Variants in MSH3 observed in about 807,000 individuals in gnomAD.
The protein encoded by MSH3 is mutS homolog 3.
In MSH3, 106 loss-of-function variants were observed where a neutral mutation model predicts 123.3. That is an observed-to-expected ratio of 0.86 (90% confidence interval 0.73 to 1.01). The LOEUF is 1.01. Ranked by LOEUF, MSH3 falls within the 50% of genes least tolerant of loss-of-function variation. The pLI is 0.00. For synonymous variants in MSH3, 515 were observed against 481.4 expected, an observed-to-expected ratio of 1.07 and a Z score of -0.91; for missense variants, 1,459 against 1,347.6, an observed-to-expected ratio of 1.08 and a Z score of -1.29.
intron 19 of MSH3, among the ~76,000 whole-genome samples, chr5:80,805,289 A>G (rs576965793): frequency 1.3e-5 from 2 of 152,334 alleles, no homozygotes; most frequent in African/African-American, 4.8e-5. Flanking sequence ...TGGGTTGGGA[A>G]ACAAACATAG....
intron 19 of MSH3, among the ~76,000 whole-genome samples, chr5:80,799,987 T>A (rs1744765187): frequency 6.6e-6 from 1 of 151,882 alleles, no homozygotes; most frequent in Non-Finnish European, 1.5e-5. Context: ...TTTTAGATCT[T>A]CTCTTCCCCC....
chr5:80,811,842 C>A (rs1745014572), intron 19 of MSH3, among the ~76,000 whole-genome samples: 2 of 151,744 alleles, frequency 1.3e-5, no homozygotes. Context: ...TTGATCATGC[C>A]AATATTTGAT....
At chr5:80,769,596 G>C (rs1015496196) in intron 15 of MSH3, among the ~76,000 whole-genome samples, 15 of 151,962 alleles carry the variant, frequency 9.9e-5, no homozygotes, top group African/African-American at 2.9e-4. Context: ...TTTTAAATAT[G>C]GTTGTGCTTT....
At chr5:80,757,457 C>T (rs1360178217) in intron 12 of MSH3, among the ~76,000 whole-genome samples, 2 of 152,136 alleles carry the variant, frequency 1.3e-5, no homozygotes, top group African/African-American at 4.8e-5. Flanking sequence ...GTGACAGCCA[C>T]ACATGGTAGA....
intron 8 of MSH3, among the ~76,000 whole-genome samples, chr5:80,698,141 A>T (rs1415001200): frequency 6.6e-6 from 1 of 152,112 alleles, no homozygotes; most frequent in Non-Finnish European, 1.5e-5. Context: ...GGCTCAAGCA[A>T]TCCACCCACC....
At position 80,729,103 on chromosome 5, in the gene MSH3, T is replaced by G. The variant is rs1743358285; in HGVS notation, c.1568+138T>G. 3 of 620,612 alleles carry G rather than the reference T, an allele frequency of 4.8e-6. No individual in the cohort carries two copies. In the African/African-American group the frequency reaches 5.5e-5, roughly 11 times the overall value. 38.4% of individuals were successfully genotyped at this position (620,612 alleles called of 1,614,324 possible). On this transcript the variant is annotated intron_variant, in intron 10 of 23. Coordinates refer to ENST00000265081, the MANE Select transcript of MSH3 (RefSeq NM_002439.5). ...TAGGGTGCAAGGATGAGCTGTTTGG[T>G]ATTGTTGCTGAAGAATATTAAAAAT...
chr5:80,858,585 T>G (rs963485306), intron 21 of MSH3, among the ~76,000 whole-genome samples: 6 of 152,244 alleles, frequency 3.9e-5, no homozygotes, highest in African/African-American at 1.4e-4. Context: ...TTGTATGATT[T>G]TTATTATATT....
At chr5:80,842,468 G>A (rs1056225740) in intron 20 of MSH3, among the ~76,000 whole-genome samples, 42 of 152,062 alleles carry the variant, frequency 2.8e-4, no homozygotes, top group Non-Finnish European at 5.9e-4. Flanking sequence ...TGATGTGGGA[G>A]ATAGCACTGA....
intron 3 of MSH3, among the ~76,000 whole-genome samples, chr5:80,668,145 G>C (rs1042344150): frequency 2.6e-4 from 39 of 152,266 alleles, no homozygotes; most frequent in Non-Finnish European, 1.9e-4. Context: ...GGAGTGGGTA[G>C]CTCCTCTCCG....
At chr5:80,700,963 T>G (rs1388583167) in intron 8 of MSH3, among the ~76,000 whole-genome samples, 1 of 152,196 alleles carries the variant, frequency 6.6e-6, no homozygotes, top group Non-Finnish European at 1.5e-5. Context: ...CTAATTCGAC[T>G]TGATTTTTGT....
At chr5:80,806,200 G>A (rs1340580404) in intron 19 of MSH3, among the ~76,000 whole-genome samples, 1 of 152,174 alleles carries the variant, frequency 6.6e-6, no homozygotes, top group Non-Finnish European at 1.5e-5. Context: ...CCAGGTTCAA[G>A]TGATTCTCCT....
chr5:80,870,204 A>T lies in MSH3; in HGVS notation c.3131-2912A>T, dbSNP rs377032302. Among the ~76,000 whole-genome samples the T allele has an allele frequency of 3.7e-3, 562 of 151,732 alleles. 1 individual carries two copies. Among genetic ancestry groups the T allele is most frequent in the Non-Finnish European group, 6.4e-3 (437 of 67,920 alleles). On this transcript the variant is annotated intron_variant, in intron 22 of 23. Coordinates refer to ENST00000265081, the MANE Select transcript of MSH3 (RefSeq NM_002439.5). ...AAAAAAAAAAAAAAAATTCATTAAC[A>T]AATTTTTGGATAGGGGGATTTTGTG...
chr5:80,868,717 G>T (rs1274412161), intron 22 of MSH3, among the ~76,000 whole-genome samples: 1 of 149,696 alleles, frequency 6.7e-6, no homozygotes, highest in Non-Finnish European at 1.5e-5. Context: ...AAACCTCCGT[G>T]ACACAAGTTT....
intron 2 of MSH3, among the ~76,000 whole-genome samples, chr5:80,663,954 T>C (rs1195042782): frequency 6.6e-6 from 1 of 152,200 alleles, no homozygotes; most frequent in Non-Finnish European, 1.5e-5. Context: ...TAAGAGGTGA[T>C]AAATGTGTGC....
chr5:80,658,660 C>G (rs532982223), intron 2 of MSH3, among the ~76,000 whole-genome samples: 1 of 152,230 alleles, frequency 6.6e-6, no homozygotes, highest in African/African-American at 2.4e-5. Flanking sequence ...GTGGCAGGGT[C>G]ATTGCTCATG....
At chr5:80,705,453 C>T (rs1280528911) in intron 8 of MSH3, among the ~76,000 whole-genome samples, 3 of 152,290 alleles carry the variant, frequency 2.0e-5, no homozygotes, top group South Asian at 2.1e-4. Context: ...GGAATATTTG[C>T]ACTCGTAATT....
chr5:80,668,918 TCTG>T (rs1320003614), intron 3 of MSH3, among the ~76,000 whole-genome samples: 1 of 152,206 alleles, frequency 6.6e-6, no homozygotes, highest in Non-Finnish European at 1.5e-5. Context: ...TCCACCCATT[TCTG>T]GCTCCTGTCG....
chr5:80,689,193 G>C lies in MSH3; in HGVS notation c.1340+10100G>C, dbSNP rs572074668. 1.1e-4 allele frequency among the ~76,000 whole-genome samples: 16 copies of C among 152,246 alleles called. No individual in the cohort carries two copies. The East Asian group carries it at 3.1e-3, about 29-fold the overall frequency. On this transcript the variant is annotated intron_variant, in intron 8 of 23. Transcript: ENST00000265081. ...GTAGTGCAGAAGAGCTGTTCAGTGAGTATTTGCTGAATGATTATGTTTAAG... is the reference window on the plus strand; with the variant it reads ...GTAGTGCAGAAGAGCTGTTCAGTGACTATTTGCTGAATGATTATGTTTAAG...
chr5:80,671,904 C>G (rs1749733541), intron 4 of MSH3, among the ~76,000 whole-genome samples: 1 of 152,212 alleles, frequency 6.6e-6, no homozygotes, highest in South Asian at 2.1e-4. Context: ...TGCCATGTAG[C>G]AAATTCTTAC....
Sources: allele counts gnomAD v4.1 joint callset (sites outside exome capture counted in the v4.1 genomes callset), GRCh38; gene constraint gnomAD v4.1.1; transcripts MANE v1.5; gene names NCBI Gene and HGNC (gene_info 2026-07-23, HGNC 2026-07-21).